LIMD1: variants seen among roughly 807,000 people sequenced by gnomAD.
The protein encoded by LIMD1 is LIM domain containing 1.
LIMD1 carries 23 observed loss-of-function variants against 58.4 expected under a neutral mutation model. That is an observed-to-expected ratio of 0.39 (90% CI 0.28 to 0.56). The LOEUF (loss-of-function observed/expected upper bound fraction) is 0.56, where lower values mean the gene tolerates loss of function less well. Among genes scored for constraint, LIMD1 ranks in the 20% least tolerant of loss-of-function variants. The pLI is 0.57. For missense variants in LIMD1, 838 were observed against 855.5 expected, an observed-to-expected ratio of 0.98 and a Z score of 0.25; for synonymous variants, 334 against 345.5, an observed-to-expected ratio of 0.97 and a Z score of 0.37.
chr3:45,617,343 G>C (rs1701585698), intron 1 of LIMD1, among the ~76,000 whole-genome samples: 1 of 152,178 alleles, frequency 6.6e-6, no homozygotes, highest in South Asian at 2.1e-4. Flanking sequence ...CACTGCACCA[G>C]TCCAAGATAG....
intron 2 of LIMD1, among the ~76,000 whole-genome samples, chr3:45,642,783 T>A (rs1701857334): frequency 6.6e-6 from 1 of 152,236 alleles, no homozygotes; most frequent in Non-Finnish European, 1.5e-5. Flanking sequence ...GTGGGATTGT[T>A]TCCTTGGTGC....
chr3:45,633,810 G>T (rs1222620017), intron 1 of LIMD1, among the ~76,000 whole-genome samples: 1 of 152,186 alleles, frequency 6.6e-6, no homozygotes, highest in Non-Finnish European at 1.5e-5. Flanking sequence ...GGAATTTCAT[G>T]AAGGATGTGT....
Position 45,596,040 on chromosome 3 carries a change from T to G in LIMD1, c.1161T>G (p.Ser387Arg), listed in dbSNP as rs745863326. ...CTGGTCCCAAGCTCAGCCCCACCAG[T>G]CTTGTCCATCCAGTGATGTCCACCC... ...LGTGPKLSPT[S>R]LVHPVMSTLP... The change falls in exon 1 of 8, where the codon AGT (serine) becomes AGG (arginine). Residue 387 changes from serine (S) to arginine (R), a missense_variant. By Grantham distance (110) the Ser-to-Arg change is moderately radical. Coordinates refer to ENST00000273317, the MANE Select transcript of LIMD1 (RefSeq NM_014240.3). 1 of 1,614,102 alleles carries G rather than the reference T, an allele frequency of 6.2e-7. No individual in the cohort carries two copies. The highest frequency in any genetic ancestry group is 8.5e-7 in the Non-Finnish European group (1 of 1,180,038).
At chr3:45,637,625 G>A (rs1435426501) in intron 2 of LIMD1, among the ~76,000 whole-genome samples, 3 of 152,210 alleles carry the variant, frequency 2.0e-5, no homozygotes, top group Admixed American at 1.3e-4. Context: ...TACTTCCAGG[G>A]TGTGATCAGG....
rs1697801540 is a variant in LIMD1, at chr3:45,685,729, C to T, written c.*8670C>T. ...GCCCAGACTCACATTCTATCTCAGG[C>T]TTCATAACTCAATTGCTCCATGACC... is the stretch of plus-strand genomic sequence containing the variant. On this transcript the variant is annotated 3_prime_UTR_variant, in exon 8 of 8. Coordinates refer to ENST00000273317, the MANE Select transcript of LIMD1 (RefSeq NM_014240.3). 1 of 152,238 alleles carries T rather than the reference C, an allele frequency of 6.6e-6. No homozygotes were observed. The highest frequency in any genetic ancestry group is 1.5e-5 in the Non-Finnish European group (1 of 68,044). 9.4% of individuals were successfully genotyped at this position (152,238 alleles called of 1,614,324 possible).
At chr3:45,618,731 G>A (rs1701600583) in intron 1 of LIMD1, among the ~76,000 whole-genome samples, 1 of 152,114 alleles carries the variant, frequency 6.6e-6, no homozygotes, top group African/African-American at 2.4e-5. Context: ...CATTTGGTGG[G>A]TGAAGAAGCC....
chr3:45,668,236 AAG>A, intron 3 of LIMD1, 56 bp from the exon 4 acceptor site: 1 of 1,319,488 alleles, frequency 7.6e-7, no homozygotes, highest in Non-Finnish European at 1.1e-6. Context: ...GCTGTTGGGG[AAG>A]TGGCTGATTC....
intron 1 of LIMD1, among the ~76,000 whole-genome samples, chr3:45,627,962 G>A (rs1235875955): frequency 2.1e-5 from 3 of 144,214 alleles, no homozygotes; most frequent in African/African-American, 8.0e-5. Context: ...GAGCCAAGAT[G>A]GTGCCACTGC....
chr3:45,615,752 C>CAA (rs764944056), intron 1 of LIMD1, among the ~76,000 whole-genome samples: 1 of 138,428 alleles, frequency 7.2e-6, no homozygotes, highest in Non-Finnish European at 1.6e-5. Flanking sequence ...CAACTTGTCT[C>CAA]AAAAAAAAAA....
chr3:45,625,693 A>AT (rs1701663305), intron 1 of LIMD1, among the ~76,000 whole-genome samples: 1 of 152,280 alleles, frequency 6.6e-6, no homozygotes, highest in East Asian at 1.9e-4. Flanking sequence ...GGTTCCTGGT[A>AT]AAAGGATGGA....
At chr3:45,622,041 G>A (rs560437826) in intron 1 of LIMD1, among the ~76,000 whole-genome samples, 3 of 147,780 alleles carry the variant, frequency 2.0e-5, no homozygotes, top group Admixed American at 6.8e-5. Context: ...CCAGTCTGGC[G>A]ACAGAGCGAG....
At chr3:45,635,732 C>CAAAAAAAAAA (rs71095045) in intron 1 of LIMD1, among the ~76,000 whole-genome samples, 5 of 73,806 alleles carry the variant, frequency 6.8e-5, no homozygotes, top group Admixed American at 1.9e-4. Flanking sequence ...ATCCCCGTCT[C>CAAAAAAAAAA]AAAAAAAAAA....
rs575205470 is a variant in LIMD1, at chr3:45,612,301, C to G, written c.1408+16014C>G. Among the ~76,000 whole-genome samples, 4 of 152,230 alleles carry G rather than the reference C, an allele frequency of 2.6e-5. No homozygotes were observed. The South Asian group carries it at 6.2e-4, about 24-fold the overall frequency. On this transcript the variant is annotated intron_variant, in intron 1 of 7. Coordinates refer to ENST00000273317, the MANE Select transcript of LIMD1 (RefSeq NM_014240.3). Reference sequence around the variant, plus strand: ...GTCTCGCTGTCTTGCCCAGGCTGGTCTTGAACTCCTGGGCTCAAGTGATCC... The same window carrying G: ...GTCTCGCTGTCTTGCCCAGGCTGGTGTTGAACTCCTGGGCTCAAGTGATCC...
intron 2 of LIMD1, among the ~76,000 whole-genome samples, chr3:45,662,161 TA>T (rs2125667611): frequency 6.6e-6 from 1 of 152,350 alleles, no homozygotes; most frequent in Non-Finnish European, 1.5e-5. Context: ...ACCCATTTTT[TA>T]TATAGGACTG....
At chr3:45,645,396 G>A (rs1228804686) in intron 2 of LIMD1, among the ~76,000 whole-genome samples, 2 of 152,178 alleles carry the variant, frequency 1.3e-5, no homozygotes, top group Admixed American at 1.3e-4. Context: ...ATATTGTAGA[G>A]GCTAACTTTG....
chr3:45,668,752 C>CA (rs36111259), intron 4 of LIMD1, among the ~76,000 whole-genome samples: 58 of 142,250 alleles, frequency 4.1e-4, no homozygotes, highest in Middle Eastern at 7.3e-3. Context: ...GACTCCACCT[C>CA]AAAAAAAAAA....
chr3:45,616,147 C>T (rs1025908532), intron 1 of LIMD1, among the ~76,000 whole-genome samples: 3 of 152,062 alleles, frequency 2.0e-5, no homozygotes, highest in Admixed American at 6.6e-5. Context: ...CTTTATTTTT[C>T]GCAGGAATGG....
In LIMD1 at chr3:45,594,801, A is replaced by ACACACACACACACACAC. The variant is rs1559510598; in HGVS notation, c.-78_-62dup. On this transcript the variant is annotated 5_prime_UTR_variant, in exon 1 of 8. Coordinates refer to ENST00000273317, the MANE Select transcript of LIMD1 (RefSeq NM_014240.3). Reference sequence around the variant, plus strand: ...TCAACACACACACACACACACACACACACACACACACACACACACACACAC... The same window carrying ACACACACACACACACAC: ...TCAACACACACACACACACACACACACACACACACACACACACCACACACACACACACACACACACAC... 9.8e-4 allele frequency: 169 copies of ACACACACACACACACAC among 172,076 alleles called. No individual in the cohort carries two copies. Among genetic ancestry groups the ACACACACACACACACAC allele is most frequent in the South Asian group, 6.5e-3 (69 of 10,662 alleles). The allele number at this position is 172,076 out of a possible 1,614,324, so 10.7% of individuals were successfully genotyped here.
intron 2 of LIMD1, among the ~76,000 whole-genome samples, chr3:45,642,263 A>G (rs1240388372): frequency 6.6e-6 from 1 of 151,786 alleles, no homozygotes; most frequent in African/African-American, 2.4e-5. Context: ...GCAGCCTTGA[A>G]CTCCTGGGCT....
Sources: allele counts gnomAD v4.1 joint callset (sites outside exome capture counted in the v4.1 genomes callset), GRCh38; gene constraint gnomAD v4.1.1; transcripts MANE v1.5; gene names NCBI Gene and HGNC (gene_info 2026-07-23, HGNC 2026-07-21).